FGF14: variants seen among roughly 807,000 people sequenced by gnomAD.
FGF14 encodes fibroblast growth factor homologous factor 4.
In FGF14, 5 loss-of-function variants were observed where a neutral mutation model predicts 25.5. That is an observed-to-expected ratio of 0.20 (90% CI 0.10 to 0.41). The LOEUF is 0.41. FGF14 is among the 10% of genes least tolerant of loss of function. The pLI, the probability that FGF14 is intolerant of heterozygous loss-of-function variation, is 1.00. For synonymous variants in FGF14, 138 were observed against 118.3 expected (o/e 1.17, Z -1.08); for missense variants, 222 against 320.1 (o/e 0.69, Z 2.34).
chr13:101,769,288 T>G (rs1675805879), intron 3 of FGF14, among the ~76,000 whole-genome samples: 1 of 151,888 alleles, frequency 6.6e-6, no homozygotes, highest in Admixed American at 6.6e-5. Flanking sequence ...TCCAGAAAAC[T>G]TACACAATCA....
At chr13:102,011,843 C>A (rs749445658) in intron 1 of FGF14, among the ~76,000 whole-genome samples, 11 of 152,160 alleles carry the variant, frequency 7.2e-5, no homozygotes, top group Admixed American at 3.3e-4. Context: ...ACCCATCTGC[C>A]AAGGAAATAT....
chr13:101,857,798 A>G (rs1350585751), intron 3 of FGF14, among the ~76,000 whole-genome samples: 1 of 151,968 alleles, frequency 6.6e-6, no homozygotes, highest in African/African-American at 2.4e-5. Flanking sequence ...TGTGGCCAAT[A>G]TTTTCAGTCA....
chr13:101,878,738 T>C (rs1461759843), intron 1 of FGF14, among the ~76,000 whole-genome samples: 2 of 152,120 alleles, frequency 1.3e-5, no homozygotes, highest in South Asian at 2.1e-4. Flanking sequence ...ATCTGAAATA[T>C]AGTTACTAGG....
chr13:101,833,738 T>A (rs1453773055), intron 3 of FGF14, among the ~76,000 whole-genome samples: 3 of 152,098 alleles, frequency 2.0e-5, no homozygotes, highest in Admixed American at 2.0e-4. Context: ...ACAGTTCAAA[T>A]TTGCAAGTAA....
chr13:101,943,606 G>A (rs1006015050), intron 1 of FGF14, among the ~76,000 whole-genome samples: 1 of 152,048 alleles, frequency 6.6e-6, no homozygotes, highest in South Asian at 2.1e-4. Flanking sequence ...TTTGAACCCC[G>A]ACTCTGCCAC....
intron 3 of FGF14, among the ~76,000 whole-genome samples, chr13:101,796,400 T>G (rs941569368): frequency 6.6e-6 from 1 of 152,146 alleles, no homozygotes; most frequent in Admixed American, 6.6e-5. Context: ...TGCTATAATG[T>G]TGAGCCTGAG....
chr13:101,770,298 C>G (rs1011563600), intron 3 of FGF14, among the ~76,000 whole-genome samples: 4 of 152,026 alleles, frequency 2.6e-5, no homozygotes, highest in Non-Finnish European at 5.9e-5. Flanking sequence ...GTAATTCCCT[C>G]ATGTTTGCTA....
intron 3 of FGF14, among the ~76,000 whole-genome samples, chr13:101,727,935 A>T (rs7336567): frequency 0.13 from 19,077 of 152,112 alleles, 1,875 homozygotes; most frequent in African/African-American, 0.28. Flanking sequence ...TTTCTTTAAT[A>T]GATTTTATTA....
intron 1 of FGF14, among the ~76,000 whole-genome samples, chr13:102,007,479 G>C (rs16959566): frequency 0.05 from 7,580 of 152,192 alleles, 609 homozygotes; most frequent in African/African-American, 0.17. Flanking sequence ...GCAGAGTATA[G>C]AACAATGAGC....
chr13:102,125,059 T>C (rs1198207240), intron 1 of FGF14, among the ~76,000 whole-genome samples: 1 of 152,144 alleles, frequency 6.6e-6, no homozygotes, highest in Non-Finnish European at 1.5e-5. Context: ...CAACACACTG[T>C]TATTGTTTTT....
intron 1 of FGF14, among the ~76,000 whole-genome samples, chr13:101,998,962 C>T (rs1042286379): frequency 8.5e-5 from 13 of 152,088 alleles, no homozygotes; most frequent in Non-Finnish European, 1.3e-4. Flanking sequence ...TCTCTATAAG[C>T]CAAAAATTTA....
At chr13:102,295,386 C>T (rs1235365010) in intron 1 of FGF14, among the ~76,000 whole-genome samples, 1 of 152,142 alleles carries the variant, frequency 6.6e-6, no homozygotes, top group East Asian at 1.9e-4. Context: ...AAAGAGGATT[C>T]CTAGTTACTC....
At chr13:102,391,577 A>C (rs2058433753) in intron 1 of FGF14, among the ~76,000 whole-genome samples, 1 of 152,220 alleles carries the variant, frequency 6.6e-6, no homozygotes, top group African/African-American at 2.4e-5. Flanking sequence ...CCAATATTTA[A>C]CAGTCATTAT....
At chr13:102,273,271 G>A (rs1306737711) in intron 1 of FGF14, among the ~76,000 whole-genome samples, 1 of 152,110 alleles carries the variant, frequency 6.6e-6, no homozygotes, top group Non-Finnish European at 1.5e-5. Context: ...CTGATCCGTC[G>A]ACTAATCGTG....
chr13:102,186,797 C>G (rs2048894213), intron 1 of FGF14, among the ~76,000 whole-genome samples: 1 of 152,152 alleles, frequency 6.6e-6, no homozygotes, highest in Non-Finnish European at 1.5e-5. Context: ...GTTATACATG[C>G]AGTGCACATA....
At chr13:101,733,523 A>G (rs1300873042) in intron 3 of FGF14, among the ~76,000 whole-genome samples, 2 of 147,112 alleles carry the variant, frequency 1.4e-5, no homozygotes. Flanking sequence ...TGAACCTGGG[A>G]GGCAGAGGTT....
At chr13:102,374,659 T>C (rs1458985751) in intron 1 of FGF14, among the ~76,000 whole-genome samples, 1 of 71,776 alleles carries the variant, frequency 1.4e-5, no homozygotes, top group Non-Finnish European at 2.8e-5. Context: ...TATATATATA[T>C]ATATATATAT....
chr13:102,139,739 GA>G (rs2046559843), intron 1 of FGF14, among the ~76,000 whole-genome samples: 1 of 151,416 alleles, frequency 6.6e-6, no homozygotes, highest in Non-Finnish European at 1.5e-5. Context: ...AAGAAACGAG[GA>G]AAGACCAAGA....
At chr13:101,759,825 T>C (rs766547360) in intron 3 of FGF14, among the ~76,000 whole-genome samples, 2 of 152,160 alleles carry the variant, frequency 1.3e-5, no homozygotes, top group Non-Finnish European at 2.9e-5. Flanking sequence ...ATCAGATTTG[T>C]TATCTAGCCC....
Sources: allele counts gnomAD v4.1 joint callset (sites outside exome capture counted in the v4.1 genomes callset), GRCh38; gene constraint gnomAD v4.1.1; transcripts MANE v1.5; gene names NCBI Gene and HGNC (gene_info 2026-07-23, HGNC 2026-07-21).